The following CADM1 variants were observed in gnomAD, a reference collection of about 807,000 sequenced individuals.
The protein encoded by CADM1 is TSLC-1.
In CADM1, 15 loss-of-function variants were observed where a neutral mutation model predicts 53.1. The ratio of observed to expected loss-of-function variants is 0.28; its 90% CI spans 0.19 to 0.44. The LOEUF is 0.44. Among genes scored for constraint, CADM1 ranks in the 20% least tolerant of loss-of-function variants. The probability of loss-of-function intolerance (pLI) is 1.00; values close to 1 mark genes in which losing one functional copy is unlikely to be tolerated. For synonymous variants in CADM1, 281 were observed against 243.0 expected (o/e 1.16, Z -1.45); for missense variants, 434 against 611.3 (o/e 0.71, Z 3.06).
chr11:115,426,238 G>A (rs747087655), intron 1 of CADM1, among the ~76,000 whole-genome samples: 50 of 152,138 alleles, frequency 3.3e-4, no homozygotes, highest in Non-Finnish European at 3.2e-4. Flanking sequence ...ATCGCCTCTT[G>A]CCAGTGGGTT....
chr11:115,245,007 G>A lies in CADM1; in HGVS notation c.125-4587C>T, dbSNP rs1280098982. 4.6e-5 allele frequency among the ~76,000 whole-genome samples: 7 copies of A among 152,230 alleles called. No individual in the cohort carries two copies. In the East Asian group the frequency reaches 7.7e-4, roughly 17 times the overall value. ...ATCAATAAAGCACTTCATTTACACCGGGGGAGTCTCTCTAGTCAAGACTAT... is the reference window on the plus strand; with the variant it reads ...ATCAATAAAGCACTTCATTTACACCAGGGGAGTCTCTCTAGTCAAGACTAT... On this transcript the variant is annotated intron_variant, in intron 1 of 11. Transcript: ENST00000331581.
intron 7 of CADM1, among the ~76,000 whole-genome samples, chr11:115,210,040 G>T (rs749916130): frequency 6.6e-6 from 1 of 152,226 alleles, no homozygotes; most frequent in Middle Eastern, 3.2e-3. Flanking sequence ...CAGGAAGGAG[G>T]AGGAGGAGGT....
At chr11:115,471,125 A>C (rs1213821888) in intron 1 of CADM1, among the ~76,000 whole-genome samples, 1 of 152,216 alleles carries the variant, frequency 6.6e-6, no homozygotes, top group Non-Finnish European at 1.5e-5. Context: ...CTTTCTACTC[A>C]GGGACATATT....
intron 1 of CADM1, among the ~76,000 whole-genome samples, chr11:115,449,838 A>G (rs894009585): frequency 1.3e-5 from 2 of 152,202 alleles, no homozygotes; most frequent in Non-Finnish European, 2.9e-5. Context: ...TATTATAGTG[A>G]CATACACATG....
chr11:115,239,244 C>T (rs954334041), intron 2 of CADM1, among the ~76,000 whole-genome samples: 2 of 152,050 alleles, frequency 1.3e-5, no homozygotes, highest in African/African-American at 4.8e-5. Flanking sequence ...AATCTAATAG[C>T]AAAATAAACC....
intron 1 of CADM1, among the ~76,000 whole-genome samples, chr11:115,296,616 C>T (rs1484586392): frequency 1.3e-5 from 2 of 152,304 alleles, no homozygotes; most frequent in East Asian, 1.9e-4. Context: ...TGTTATGACA[C>T]AGCATGAAAG....
At chr11:115,269,559 G>A (rs374434522) in intron 1 of CADM1, among the ~76,000 whole-genome samples, 1 of 152,032 alleles carries the variant, frequency 6.6e-6, no homozygotes, top group South Asian at 2.1e-4. Context: ...ACTCTGTGGG[G>A]GCCTCCAAAC....
intron 1 of CADM1, among the ~76,000 whole-genome samples, chr11:115,434,518 A>T (rs1237603366): frequency 2.0e-5 from 3 of 152,194 alleles, no homozygotes; most frequent in South Asian, 4.1e-4. Flanking sequence ...TGCTATCTTC[A>T]ACAAGTTTCT....
intron 1 of CADM1, among the ~76,000 whole-genome samples, chr11:115,329,708 T>C (rs1317804376): frequency 6.6e-6 from 1 of 152,126 alleles, no homozygotes; most frequent in Non-Finnish European, 1.5e-5. Context: ...CCTGGGATTT[T>C]GTCCAGTGTC....
intron 1 of CADM1, among the ~76,000 whole-genome samples, chr11:115,472,466 T>A (rs1395887705): frequency 2.6e-5 from 4 of 152,172 alleles, no homozygotes; most frequent in South Asian, 4.1e-4. Flanking sequence ...GGTGTGTGTG[T>A]GAGAGAGAGT....
chr11:115,347,378 C>A (rs1945608513), intron 1 of CADM1, among the ~76,000 whole-genome samples: 1 of 152,122 alleles, frequency 6.6e-6, no homozygotes, highest in African/African-American at 2.4e-5. Context: ...TTCATCTCCC[C>A]ACTTGGAGTT....
intron 11 of CADM1, 136 bp downstream of exon 11, chr11:115,178,508 C>G: frequency 4.2e-6 from 2 of 479,442 alleles, no homozygotes; most frequent in Admixed American, 2.5e-5. Context: ...TTTCTCTTCT[C>G]TCTCTTCCAG....
At chr11:115,212,171 C>G (rs1457277549) in intron 7 of CADM1, among the ~76,000 whole-genome samples, 1 of 151,444 alleles carries the variant, frequency 6.6e-6, no homozygotes, top group Non-Finnish European at 1.5e-5. Flanking sequence ...CATGTAGAGG[C>G]TAAAAGAATA....
intron 1 of CADM1, among the ~76,000 whole-genome samples, chr11:115,370,287 G>A (rs1177678304): frequency 6.6e-6 from 1 of 152,144 alleles, no homozygotes; most frequent in Non-Finnish European, 1.5e-5. Flanking sequence ...AAGTTATAAG[G>A]AGAAAGCTTC....
intron 3 of CADM1, among the ~76,000 whole-genome samples, chr11:115,235,739 C>T (rs1229792600): frequency 2.0e-5 from 3 of 152,160 alleles, no homozygotes; most frequent in African/African-American, 7.2e-5. Context: ...ATTAGGTTCT[C>T]CTGTTCCTGG....
intron 1 of CADM1, among the ~76,000 whole-genome samples, chr11:115,257,138 T>C (rs1380701483): frequency 2.0e-5 from 3 of 152,158 alleles, no homozygotes; most frequent in Non-Finnish European, 2.9e-5. Context: ...TCCAACTTTA[T>C]ACGGTAGTTT....
chr11:115,217,110 GT>G (rs1483673684), intron 6 of CADM1, among the ~76,000 whole-genome samples: 2 of 152,094 alleles, frequency 1.3e-5, no homozygotes, highest in African/African-American at 4.8e-5. Flanking sequence ...CTAAGGAACA[GT>G]TAAAAACAAT....
At chr11:115,295,566 C>A (rs2187988) in intron 1 of CADM1, among the ~76,000 whole-genome samples, 1 of 122,638 alleles carries the variant, frequency 8.2e-6, no homozygotes, top group Non-Finnish European at 1.7e-5. Context: ...TATGTATATG[C>A]ACATATATAA....
At chr11:115,346,208 A>T (rs1945572316) in intron 1 of CADM1, among the ~76,000 whole-genome samples, 1 of 152,148 alleles carries the variant, frequency 6.6e-6, no homozygotes, top group Non-Finnish European at 1.5e-5. Context: ...TTTAATCCCA[A>T]ATTGACTTAC....
Sources: allele counts gnomAD v4.1 joint callset (sites outside exome capture counted in the v4.1 genomes callset), GRCh38; gene constraint gnomAD v4.1.1; transcripts MANE v1.5; gene names NCBI Gene and HGNC (gene_info 2026-07-23, HGNC 2026-07-21).